GNPTAB: variants seen among roughly 807,000 people sequenced by gnomAD.
GNPTAB encodes the protein N-acetylglucosamine-1-phosphotransferase subunits alpha/beta.
A neutral mutation model predicts 136.6 loss-of-function variants in GNPTAB; 92 were observed. The observed-to-expected ratio is 0.67, with a 90% CI of 0.57 to 0.80. GNPTAB has a LOEUF of 0.80. Among genes scored for constraint, GNPTAB ranks in the 30% least tolerant of loss-of-function variants. GNPTAB has a pLI of 0.00. For synonymous variants in GNPTAB, 512 were observed against 535.1 expected (o/e 0.96, Z 0.60); for missense variants, 1,343 against 1,501.8 (o/e 0.89, Z 1.75).
chr12:101,756,396 A>T (rs1594206362), intron 18 of GNPTAB: 20 of 285,640 alleles, frequency 7.0e-5, no homozygotes, highest in South Asian at 5.6e-4. Context: ...AAATGCATTT[A>T]AAAGACCCAG....
Position 101,757,658 on chromosome 12 carries a change from C to T in GNPTAB, c.3250-1G>A. On this transcript the variant is annotated splice_acceptor_variant, in intron 16 of 20. Transcript: ENST00000299314. LOFTEE classifies it high-confidence loss of function. ...TTACTAGACTTTTAGTGACCGGTGGCTATGAGAAAATATAAGTAGATCAGA... is the reference window on the plus strand; with the variant it reads ...TTACTAGACTTTTAGTGACCGGTGGTTATGAGAAAATATAAGTAGATCAGA... 1 of 1,491,328 alleles carries T rather than the reference C, an allele frequency of 6.7e-7. No individual in the cohort carries two copies. Among genetic ancestry groups the T allele is most frequent in the South Asian group, 1.1e-5 (1 of 88,658 alleles). 92.4% of individuals were successfully genotyped at this position (1,491,328 alleles called of 1,614,324 possible).
At chr12:101,794,690 T>C (rs1011809574) in intron 2 of GNPTAB, among the ~76,000 whole-genome samples, 10 of 152,208 alleles carry the variant, frequency 6.6e-5, no homozygotes, top group African/African-American at 2.2e-4. Context: ...CCTTCTAAAC[T>C]TCTTTAGAAA....
chr12:101,795,188 T>C (rs1055459199), intron 2 of GNPTAB, among the ~76,000 whole-genome samples: 2 of 152,188 alleles, frequency 1.3e-5, no homozygotes, highest in East Asian at 1.9e-4. Flanking sequence ...GGAAGTTTGG[T>C]AGAAGTGCAA....
intron 7 of GNPTAB, among the ~76,000 whole-genome samples, chr12:101,778,082 C>G (rs979339129): frequency 1.3e-5 from 2 of 152,166 alleles, no homozygotes; most frequent in African/African-American, 2.4e-5. Flanking sequence ...ATTGCTACCC[C>G]ACTCCACCTC....
At chr12:101,764,133 T>C in intron 13 of GNPTAB, 69 bp downstream of exon 13, 1 of 1,603,416 alleles carries the variant, frequency 6.2e-7, no homozygotes, top group Non-Finnish European at 8.5e-7. Flanking sequence ...ATGGTAGCTA[T>C]AATGATATTA....
At chr12:101,762,159 G>A (rs899491034) in intron 13 of GNPTAB, among the ~76,000 whole-genome samples, 5 of 152,204 alleles carry the variant, frequency 3.3e-5, no homozygotes, top group African/African-American at 9.6e-5. Flanking sequence ...TATCAAATGT[G>A]CAAGTCCTTG....
intron 9 of GNPTAB, 25 bp downstream of exon 9, chr12:101,770,380 CT>C (rs755789751): frequency 4.5e-6 from 7 of 1,547,414 alleles, no homozygotes; most frequent in Non-Finnish European, 6.3e-6. Context: ...AAATCACAGT[CT>C]TGTAATTTTT....
chr12:101,822,578 T>A (rs1297188533), intron 1 of GNPTAB, among the ~76,000 whole-genome samples: 2 of 152,108 alleles, frequency 1.3e-5, no homozygotes, highest in Non-Finnish European at 2.9e-5. Context: ...AGAAAGAGAA[T>A]CATCAAGTGA....
rs1869924239 is a variant in GNPTAB, at chr12:101,806,228, G to C, written c.118-9466C>G. On this transcript the variant is annotated intron_variant, in intron 1 of 20. Transcript: ENST00000299314. ...GTCTGGAGCTAGACATCAGCAAAATGGTGGAACAGGCTGCTACAATTTTTC... is the reference window on the plus strand; with the variant it reads ...GTCTGGAGCTAGACATCAGCAAAATCGTGGAACAGGCTGCTACAATTTTTC... 2.0e-5 allele frequency among the ~76,000 whole-genome samples: 3 copies of C among 152,294 alleles called. No individual in the cohort carries two copies. In the South Asian group the frequency reaches 6.2e-4, roughly 32 times the overall value.
At chr12:101,782,525 G>A (rs531517908) in intron 5 of GNPTAB, among the ~76,000 whole-genome samples, 36 of 152,252 alleles carry the variant, frequency 2.4e-4, no homozygotes, top group African/African-American at 8.7e-4. Context: ...TATCTTCACT[G>A]CACCTCCCTG....
rs371971179 is a variant in GNPTAB, at chr12:101,757,316, T to C, written c.3336-6A>G. ...CTTCTCCCATGATTTCAAACCTAATTATCAAAACATATTTGAAGAGTTTAA... is the reference window on the plus strand; with the variant it reads ...CTTCTCCCATGATTTCAAACCTAATCATCAAAACATATTTGAAGAGTTTAA... On this transcript the variant is annotated splice_region_variant and splice_polypyrimidine_tract_variant and intron_variant, in intron 17 of 20. Transcript: ENST00000299314. 54 of 1,457,016 alleles carry C rather than the reference T, an allele frequency of 3.7e-5. No individual in the cohort carries two copies. Among genetic ancestry groups the C allele is most frequent in the East Asian group, 1.6e-4 (7 of 44,146 alleles). The allele number at this position is 1,457,016 out of a possible 1,614,324, so 90.3% of individuals were successfully genotyped here.
At chr12:101,828,788 CCATTT>C (rs1444707129) in intron 1 of GNPTAB, among the ~76,000 whole-genome samples, 1 of 152,158 alleles carries the variant, frequency 6.6e-6, no homozygotes, top group Non-Finnish European at 1.5e-5. Context: ...GCAAATGCAT[CCATTT>C]CATCACCTAT....
Position 101,755,634 on chromosome 12 carries a change from G to A in GNPTAB, c.3434+1578C>T, listed in dbSNP as rs541159161. Among the ~76,000 whole-genome samples, 6 of 152,322 alleles carry A rather than the reference G, an allele frequency of 3.9e-5. No individual in the cohort carries two copies. The South Asian group carries it at 8.3e-4, about 21-fold the overall frequency. On this transcript the variant is annotated intron_variant, in intron 18 of 20. Coordinates refer to ENST00000299314, the MANE Select transcript of GNPTAB (RefSeq NM_024312.5). ...CAGAGAAAAACAAAGCCTGGAGATT[G>A]TCTATCCCAGACTCCCTGTTAACGG...
chr12:101,811,861 A>G (rs528034657), intron 1 of GNPTAB, among the ~76,000 whole-genome samples: 25 of 148,696 alleles, frequency 1.7e-4, no homozygotes, highest in African/African-American at 5.4e-4. Context: ...CTGGCCTCGA[A>G]CTCCCGACCT....
At chr12:101,810,878 T>G (rs1222639358) in intron 1 of GNPTAB, among the ~76,000 whole-genome samples, 1 of 152,136 alleles carries the variant, frequency 6.6e-6, no homozygotes, top group Non-Finnish European at 1.5e-5. Context: ...CCAGATGATC[T>G]GGGGGGAGTG....
At position 101,780,173 on chromosome 12, in the gene GNPTAB, A is replaced by AT. The variant is rs281864964; in HGVS notation, c.749dup (p.Asn250LysfsTer5). ...TTACCAGTTTGACTTTAGAGGAAAG[A>AT]TTTTCTGGCAATTTTGTTTTTAGTT... On this transcript the variant is annotated frameshift_variant, in exon 7 of 21. Transcript: ENST00000299314. LOFTEE classifies it high-confidence loss of function. 6.2e-6 allele frequency: 10 copies of AT among 1,613,594 alleles called. No homozygotes were observed. The highest frequency in any genetic ancestry group is 8.5e-6 in the Non-Finnish European group (10 of 1,179,720).
chr12:101,786,330 T>C (rs1300327711), intron 4 of GNPTAB, 113 bp from the exon 5 acceptor site: 1 of 820,344 alleles, frequency 1.2e-6, no homozygotes, highest in Non-Finnish European at 2.0e-6. Flanking sequence ...TAAAAAATGA[T>C]AATATTTTAA....
intron 2 of GNPTAB, among the ~76,000 whole-genome samples, chr12:101,793,078 A>G (rs1869082997): frequency 2.6e-5 from 4 of 152,294 alleles, no homozygotes; most frequent in Non-Finnish European, 5.9e-5. Context: ...TATAAGGCCA[A>G]TGAGTTCATT....
chr12:101,758,715 G>A (rs1318207789), intron 16 of GNPTAB, among the ~76,000 whole-genome samples: 1 of 152,204 alleles, frequency 6.6e-6, no homozygotes, highest in Non-Finnish European at 1.5e-5. Flanking sequence ...TCTGATGGCT[G>A]CTATGCTGAC....
Sources: gnomAD v4.1 joint callset for allele counts (sites outside exome capture counted in the v4.1 genomes callset) on GRCh38, gnomAD v4.1.1 for gene constraint, MANE v1.5 for transcripts, NCBI Gene and HGNC (gene_info 2026-07-23, HGNC 2026-07-21) for gene names.